Variants in RGSL1 observed in about 807,000 individuals in gnomAD.
The protein encoded by RGSL1 is regulator of G protein signaling protein-like.
In RGSL1, 97 loss-of-function variants were observed where a neutral mutation model predicts 124.7. The observed-to-expected ratio is 0.78, with a 90% confidence interval of 0.66 to 0.92. RGSL1 has a LOEUF of 0.92. Ranked by LOEUF, RGSL1 falls within the 40% of genes least tolerant of loss-of-function variation. The probability of loss-of-function intolerance (pLI) is 0.00; values close to 1 mark genes in which losing one functional copy is unlikely to be tolerated. For synonymous variants in RGSL1, 424 were observed against 438.1 expected, an observed-to-expected ratio of 0.97 and a Z score of 0.40; for missense variants, 1,233 against 1,288.4, an observed-to-expected ratio of 0.96 and a Z score of 0.66.
intron 4 of RGSL1, among the ~76,000 whole-genome samples, chr1:182,466,385 A>C (rs1027101934): frequency 6.6e-5 from 10 of 152,196 alleles, no homozygotes; most frequent in Admixed American, 2.6e-4. Flanking sequence ...AATGATCTTC[A>C]TTTGCAGATA....
chr1:182,469,561 C>A (rs888755646), intron 4 of RGSL1, among the ~76,000 whole-genome samples: 2 of 152,072 alleles, frequency 1.3e-5, no homozygotes, highest in East Asian at 1.9e-4. Context: ...GTTGGCGGGA[C>A]TGTAAAATGG....
chr1:182,527,793 CT>C (rs1332589735), intron 11 of RGSL1, 21 bp downstream of exon 11: 4 of 1,529,430 alleles, frequency 2.6e-6, no homozygotes, highest in Non-Finnish European at 3.5e-6. Context: ...TCTTCTGATC[CT>C]GTTTTCTCTC....
intron 14 of RGSL1, among the ~76,000 whole-genome samples, chr1:182,533,374 G>T (rs1659324824): frequency 7.4e-6 from 1 of 134,718 alleles, no homozygotes; most frequent in Non-Finnish European, 1.6e-5. Context: ...CCTTGTTTTT[G>T]ACTGCCATAA....
chr1:182,499,759 A>G lies in RGSL1; in HGVS notation c.1825+6630A>G, dbSNP rs575571141. 7.9e-5 allele frequency among the ~76,000 whole-genome samples: 12 copies of G among 152,312 alleles called. No homozygotes were observed. The East Asian group carries it at 1.7e-3, about 22-fold the overall frequency. ...AGACTTGATTTTGTAGTTGCCTTAT[A>G]GTGTCAATGGCCTATGTACTTAAGT... On this transcript the variant is annotated intron_variant, in intron 9 of 21. Transcript: ENST00000294854.
intron 8 of RGSL1, among the ~76,000 whole-genome samples, chr1:182,492,227 C>T (rs966471620): frequency 1.3e-5 from 2 of 152,152 alleles, no homozygotes; most frequent in African/African-American, 4.8e-5. Flanking sequence ...TAGTTGTGGT[C>T]TCATGCCCGC....
At chr1:182,530,992 G>A in intron 13 of RGSL1, 82 bp downstream of exon 13, 2 of 1,448,844 alleles carry the variant, frequency 1.4e-6, no homozygotes, top group Non-Finnish European at 1.8e-6. Flanking sequence ...TCCCCATTTT[G>A]CAAAGGAAGA....
intron 4 of RGSL1, among the ~76,000 whole-genome samples, chr1:182,468,153 C>CT (rs1228192885): frequency 2.0e-5 from 3 of 152,244 alleles, no homozygotes; most frequent in African/African-American, 4.8e-5. Flanking sequence ...AATAGGAACA[C>CT]TTTACGCTGT....
intron 14 of RGSL1, among the ~76,000 whole-genome samples, chr1:182,534,347 T>C (rs1458585811): frequency 6.6e-6 from 1 of 152,200 alleles, no homozygotes; most frequent in African/African-American, 2.4e-5. Flanking sequence ...TGCCAGATAG[T>C]CTATTCTTAT....
chr1:182,473,004 T>C (rs147137175), intron 5 of RGSL1, among the ~76,000 whole-genome samples: 17 of 152,340 alleles, frequency 1.1e-4, no homozygotes, highest in African/African-American at 4.1e-4. Flanking sequence ...ATATTTACCA[T>C]CTGGCCCTTT....
intron 21 of RGSL1, among the ~76,000 whole-genome samples, chr1:182,556,627 C>G (rs1440112726): frequency 6.6e-6 from 1 of 152,178 alleles, no homozygotes; most frequent in Non-Finnish European, 1.5e-5. Flanking sequence ...GACTAGAACA[C>G]ACCATTTCTG....
At chr1:182,537,234 A>T (rs1188799463) in intron 14 of RGSL1, among the ~76,000 whole-genome samples, 1 of 152,160 alleles carries the variant, frequency 6.6e-6, no homozygotes, top group Non-Finnish European at 1.5e-5. Flanking sequence ...GTTGCAGTCA[A>T]AATGCAGGGA....
intron 6 of RGSL1, among the ~76,000 whole-genome samples, chr1:182,484,011 A>G (rs546351727): frequency 5.9e-5 from 9 of 152,182 alleles, no homozygotes; most frequent in African/African-American, 2.2e-4. Context: ...GGCACCGTGT[A>G]GTGGTGACTC....
chr1:182,530,526 G>GACACACAC (rs1351535181), intron 12 of RGSL1, among the ~76,000 whole-genome samples, 165 bp downstream of exon 12: 15 of 63,894 alleles, frequency 2.3e-4, no homozygotes, highest in Admixed American at 3.4e-4. Flanking sequence ...CTATCTATCT[G>GACACACAC]ACACACACAC....
At chr1:182,476,847 C>T (rs185364239) in intron 6 of RGSL1, among the ~76,000 whole-genome samples, 38 of 152,300 alleles carry the variant, frequency 2.5e-4, no homozygotes, top group Non-Finnish European at 4.4e-4. Context: ...CTTGGCTGTG[C>T]TCTGTAACAT....
chr1:182,514,961 T>G (rs1657749425), intron 9 of RGSL1, among the ~76,000 whole-genome samples: 1 of 152,182 alleles, frequency 6.6e-6, no homozygotes, highest in Admixed American at 6.5e-5. Context: ...TGGTTGCCCA[T>G]TTTGAAAGAC....
chr1:182,537,620 T>C (rs1219199256), intron 14 of RGSL1, among the ~76,000 whole-genome samples: 2 of 152,234 alleles, frequency 1.3e-5, no homozygotes, highest in East Asian at 3.8e-4. Flanking sequence ...CTTTTTATGA[T>C]TGGTTAAGTG....
chr1:182,502,934 G>A (rs1656504848), intron 9 of RGSL1, among the ~76,000 whole-genome samples: 1 of 152,120 alleles, frequency 6.6e-6, no homozygotes, highest in African/African-American at 2.4e-5. Flanking sequence ...TCAGAGAAAT[G>A]CAGATTGAAA....
At chr1:182,475,121 G>T (rs1231638422) in intron 6 of RGSL1, among the ~76,000 whole-genome samples, 2 of 152,238 alleles carry the variant, frequency 1.3e-5, no homozygotes, top group African/African-American at 4.8e-5. Context: ...TCACTTTCTT[G>T]TTATGTGAAG....
intron 3 of RGSL1, 43 bp from the exon 4 acceptor site, chr1:182,459,961 G>C: frequency 6.5e-7 from 1 of 1,537,202 alleles, no homozygotes; most frequent in Non-Finnish European, 8.8e-7. Context: ...TTAGCAGTTC[G>C]GTTTCACTTA....
Sources: gnomAD v4.1 joint callset for allele counts (sites outside exome capture counted in the v4.1 genomes callset) on GRCh38, gnomAD v4.1.1 for gene constraint, MANE v1.5 for transcripts, NCBI Gene and HGNC (gene_info 2026-07-23, HGNC 2026-07-21) for gene names.